Variants in BMP6 observed in about 807,000 individuals in gnomAD.
The protein encoded by BMP6 is bone morphogenetic protein 6.
BMP6 carries 17 observed loss-of-function variants against 54.1 expected under a neutral mutation model. The ratio of observed to expected loss-of-function variants is 0.31; its 90% CI spans 0.22 to 0.47. BMP6 has a LOEUF of 0.47. BMP6 is among the 20% of genes least tolerant of loss of function. BMP6 has a pLI of 1.00. For missense variants in BMP6, 720 were observed against 690.4 expected, an observed-to-expected ratio of 1.04 and a Z score of -0.48; for synonymous variants, 328 against 291.2, an observed-to-expected ratio of 1.13 and a Z score of -1.28.
chr6:7,879,098 C>G lies in BMP6; in HGVS notation c.1229C>G (p.Thr410Arg), dbSNP rs1311013311. The stretch of plus-strand genomic sequence containing the variant: ...GATTACAACAGCAGTGAATTGAAAA[C>G]AGCCTGCAGGAAGCATGAGCTGTAT... ...ASDYNSSELK[T>R]ACRKHELYVS... The change falls in exon 5 of 7, where the codon ACA becomes AGA. Residue 410 changes from threonine (T) to arginine (R), a missense_variant. Physicochemically the swap from Thr to Arg is moderately conservative, Grantham distance 71 (BLOSUM62 -1). Transcript: ENST00000283147. 2 of 1,614,206 alleles carry G rather than the reference C, an allele frequency of 1.2e-6. No homozygotes were observed. The highest frequency in any genetic ancestry group is 2.2e-5 in the East Asian group (1 of 44,894).
At chr6:7,856,376 T>A (rs1233637504) in intron 2 of BMP6, among the ~76,000 whole-genome samples, 1 of 151,974 alleles carries the variant, frequency 6.6e-6, no homozygotes, top group Non-Finnish European at 1.5e-5. Context: ...GGATTTTTTT[T>A]ACTTTCATTC....
intron 4 of BMP6, among the ~76,000 whole-genome samples, chr6:7,867,741 A>G (rs555670765): frequency 3.9e-5 from 6 of 152,334 alleles, no homozygotes; most frequent in African/African-American, 1.4e-4. Context: ...CTCCATAGAC[A>G]TGGAGGACAG....
In BMP6 at chr6:7,861,512, G is replaced by A. The variant is rs867197847; in HGVS notation, c.919G>A (p.Glu307Lys). 2.5e-6 allele frequency: 4 copies of A among 1,614,206 alleles called. No individual in the cohort carries two copies. Among genetic ancestry groups the A allele is most frequent in the Non-Finnish European group, 3.4e-6 (4 of 1,180,044 alleles). The change falls in exon 3 of 7, where the codon GAA becomes AAA. Residue 307 changes from glutamate to lysine, a missense_variant. By Grantham distance (56) the Glu-to-Lys change is moderately conservative. Around this residue, in one of 3 missense-constraint regions of BMP6, gnomAD observed 650 missense variants for 556.3 expected, o/e 1.17. Coordinates refer to ENST00000283147, the MANE Select transcript of BMP6 (RefSeq NM_001718.6). The part of the protein sequence containing the change: ...VVWASEEGWL[E>K]FDITATSNLW... ...ATGGGCCTCAGAAGAAGGCTGGCTG[G>A]AATTTGACATCACGGCCACTAGCAA...
At chr6:7,870,674 C>T (rs1172774936) in intron 4 of BMP6, among the ~76,000 whole-genome samples, 2 of 152,304 alleles carry the variant, frequency 1.3e-5, no homozygotes, top group South Asian at 2.1e-4. Flanking sequence ...TGTTGCCAGA[C>T]TGGAGTGCAG....
chr6:7,770,414 C>G (rs1200368887), intron 1 of BMP6, among the ~76,000 whole-genome samples: 4 of 152,078 alleles, frequency 2.6e-5, no homozygotes, highest in Non-Finnish European at 5.9e-5. Context: ...GGTTCTGTCT[C>G]TGGGCCTTGT....
chr6:7,842,915 T>TC (rs1242764305), intron 1 of BMP6, among the ~76,000 whole-genome samples: 7 of 152,264 alleles, frequency 4.6e-5, no homozygotes, highest in African/African-American at 1.7e-4. Context: ...AAAATATTAT[T>TC]TTCATTTAGT....
intron 2 of BMP6, among the ~76,000 whole-genome samples, chr6:7,846,614 A>G (rs1281569156): frequency 6.6e-6 from 1 of 152,250 alleles, no homozygotes; most frequent in Non-Finnish European, 1.5e-5. Flanking sequence ...GGAGAGCTAA[A>G]TAATGAGTAA....
At chr6:7,780,397 A>C (rs1445844869) in intron 1 of BMP6, among the ~76,000 whole-genome samples, 1 of 152,038 alleles carries the variant, frequency 6.6e-6, no homozygotes, top group Non-Finnish European at 1.5e-5. Flanking sequence ...AAAATACAAA[A>C]AATTAGCCGG....
chr6:7,870,216 A>C (rs762528517), intron 4 of BMP6, among the ~76,000 whole-genome samples: 6 of 152,216 alleles, frequency 3.9e-5, no homozygotes, highest in Non-Finnish European at 8.8e-5. Flanking sequence ...TTTCAGAGCC[A>C]TGGCTGGACC....
intron 1 of BMP6, among the ~76,000 whole-genome samples, chr6:7,819,365 G>A (rs777077821): frequency 5.5e-4 from 83 of 152,202 alleles, no homozygotes; most frequent in Non-Finnish European, 8.5e-4. Context: ...GTAACTTGTA[G>A]GTTACACAAA....
intron 1 of BMP6, among the ~76,000 whole-genome samples, chr6:7,740,340 C>G (rs999023870): frequency 1.3e-5 from 2 of 152,184 alleles, no homozygotes; most frequent in Non-Finnish European, 2.9e-5. Context: ...CACAGCTTTT[C>G]TCAAACTTTG....
At chr6:7,832,622 T>TTA (rs1304625667) in intron 1 of BMP6, among the ~76,000 whole-genome samples, 1 of 151,862 alleles carries the variant, frequency 6.6e-6, no homozygotes, top group Non-Finnish European at 1.5e-5. Flanking sequence ...ACAGGAACTG[T>TTA]TAAAACTGAG....
In BMP6 at chr6:7,880,354, G is replaced by A; in HGVS notation, c.*11G>A. The stretch of plus-strand genomic sequence containing the variant: ...TGTGGATGCCACTAACTCGAAACCA[G>A]ATGCTGGGGACACACATTCTGCCTT... On this transcript the variant is annotated 3_prime_UTR_variant, in exon 7 of 7. Transcript: ENST00000283147. The A allele has an allele frequency of 6.2e-7, 1 of 1,613,846 alleles. No individual in the cohort carries two copies. The highest frequency in any genetic ancestry group is 8.5e-7 in the Non-Finnish European group (1 of 1,179,782).
At chr6:7,766,573 G>A (rs980671023) in intron 1 of BMP6, among the ~76,000 whole-genome samples, 6 of 152,116 alleles carry the variant, frequency 3.9e-5, no homozygotes, top group African/African-American at 7.2e-5. Context: ...AGCCAAGATC[G>A]TGCCACTGCA....
intron 2 of BMP6, among the ~76,000 whole-genome samples, chr6:7,849,611 T>C (rs1759113647): frequency 6.6e-6 from 1 of 152,218 alleles, no homozygotes; most frequent in African/African-American, 2.4e-5. Flanking sequence ...CTTTAGAGAA[T>C]ATCATTTTCT....
At chr6:7,834,772 A>G (rs1167122511) in intron 1 of BMP6, among the ~76,000 whole-genome samples, 4 of 152,252 alleles carry the variant, frequency 2.6e-5, no homozygotes, top group Non-Finnish European at 5.9e-5. Flanking sequence ...TAAATAGAAG[A>G]TATTACCTAA....
At chr6:7,784,851 A>G (rs1387097176) in intron 1 of BMP6, among the ~76,000 whole-genome samples, 3 of 152,216 alleles carry the variant, frequency 2.0e-5, no homozygotes, top group Admixed American at 2.0e-4. Context: ...TTGGGATTGC[A>G]CAGTCACCTC....
chr6:7,826,477 G>A (rs372369659), intron 1 of BMP6, among the ~76,000 whole-genome samples: 4 of 152,256 alleles, frequency 2.6e-5, no homozygotes, highest in East Asian at 1.9e-4. Flanking sequence ...TGTTACTTAC[G>A]ACTTATGTTG....
chr6:7,727,766 T>C (rs2113096725), intron 1 of BMP6, 147 bp downstream of exon 1: 2 of 1,012,452 alleles, frequency 2.0e-6, no homozygotes, highest in Non-Finnish European at 2.6e-6. Context: ...CAGGCTGTGC[T>C]CCCGCCACCT....
Sources: allele counts gnomAD v4.1 joint callset (sites outside exome capture counted in the v4.1 genomes callset), GRCh38; gene constraint gnomAD v4.1.1; regional missense constraint gnomAD v4.1.1; transcripts MANE v1.5; gene names NCBI Gene and HGNC (gene_info 2026-07-23, HGNC 2026-07-21).